CRAMP1: variants seen among roughly 807,000 people sequenced by gnomAD.
CRAMP1 encodes protein cramped-like.
Under a neutral mutation model 115.4 loss-of-function variants are expected in CRAMP1, and 50 were observed. The observed-to-expected ratio is 0.43, with a 90% CI of 0.35 to 0.55. The LOEUF is 0.55. Ranked by LOEUF, CRAMP1 falls within the 20% of genes least tolerant of loss-of-function variation. The pLI is 0.01. For synonymous variants in CRAMP1, 866 were observed against 745.4 expected (o/e 1.16, Z -2.64); for missense variants, 1,679 against 1,721.7 (o/e 0.98, Z 0.44).
intron 6 of CRAMP1, among the ~76,000 whole-genome samples, chr16:1,648,963 G>A (rs575424781): frequency 4.9e-4 from 75 of 152,216 alleles, no homozygotes; most frequent in Middle Eastern, 3.4e-3. Context: ...GGATGCTGAG[G>A]TAGGAGAATG....
intron 2 of CRAMP1, among the ~76,000 whole-genome samples, chr16:1,617,849 G>A (rs188675075): frequency 6.6e-6 from 1 of 152,316 alleles, no homozygotes; most frequent in East Asian, 1.9e-4. Context: ...TAAAGCGATG[G>A]TAGCTGGGAT....
chr16:1,649,308 G>T (rs1358275334), intron 6 of CRAMP1, among the ~76,000 whole-genome samples: 1 of 152,074 alleles, frequency 6.6e-6, no homozygotes, highest in Admixed American at 6.5e-5. Flanking sequence ...AGACGGACAC[G>T]TGAGTGGATG....
In CRAMP1 at chr16:1,667,416, G is replaced by T. The variant is rs756461953; in HGVS notation, c.3102+16G>T. The T allele has an allele frequency of 2.7e-5, 44 of 1,607,372 alleles. No homozygotes were observed. The Admixed American group carries it at 5.5e-4, about 20-fold the overall frequency. On this transcript the variant is annotated intron_variant, in intron 17 of 20. Coordinates refer to ENST00000397412, the MANE Select transcript of CRAMP1 (RefSeq NM_020825.4). ...CAGTTTCCAGGTAGAGTGTGCTCTT[G>T]GGCTGCTGAGCAAAGCAGCTGCCCC...
Position 1,662,564 on chromosome 16 carries a change from C to G in CRAMP1, c.2488C>G (p.Leu830Val), listed in dbSNP as rs1352985988. 6.2e-7 allele frequency: 1 copy of G among 1,613,868 alleles called. No homozygotes were observed. The highest frequency in any genetic ancestry group is 8.5e-7 in the Non-Finnish European group (1 of 1,179,874). ...STGSNDSDGGLFAVPTTLPPN... is the reference protein window; with the variant it reads ...STGSNDSDGGVFAVPTTLPPN... ...AGGAAGCAATGACTCAGATGGAGGCCTTTTTGCTGTCCCGACAACCTTGCC... is the reference window on the plus strand; with the variant it reads ...AGGAAGCAATGACTCAGATGGAGGCGTTTTTGCTGTCCCGACAACCTTGCC... Residue 830 changes from leucine (L) to valine (V), a missense_variant, in exon 12 of 21, where the codon CTT (leucine) becomes GTT (valine). Transcript: ENST00000397412.
At chr16:1,647,748 TAA>T (rs35279793) in intron 6 of CRAMP1, among the ~76,000 whole-genome samples, 7,837 of 87,280 alleles carry the variant, frequency 0.09, 289 homozygotes, top group African/African-American at 0.13. Context: ...GACTCTGCCT[TAA>T]AAAAAAAAAA....
Position 1,662,476 on chromosome 16 carries a change from C to T in CRAMP1, c.2414-14C>T, listed in dbSNP as rs769155481. The T allele has an allele frequency of 1.2e-6, 2 of 1,608,352 alleles. No individual in the cohort carries two copies. The highest frequency in any genetic ancestry group is 3.3e-5 in the Admixed American group (2 of 59,954). The stretch of plus-strand genomic sequence containing the variant: ...TGAATGCTGTCACACTGATTCTCTC[C>T]TCTCCTCTCCCAGGTTTGAGAAACC... On this transcript the variant is annotated splice_polypyrimidine_tract_variant and intron_variant, in intron 11 of 20. Transcript: ENST00000397412.
At chr16:1,621,580 C>G (rs2036466325) in intron 2 of CRAMP1, among the ~76,000 whole-genome samples, 1 of 152,170 alleles carries the variant, frequency 6.6e-6, no homozygotes, top group Admixed American at 6.5e-5. Context: ...GGTGTGCTGT[C>G]TGGGGCTGCC....
Position 1,655,215 on chromosome 16 carries a change from G to T in CRAMP1, c.1038-4G>T. 1.2e-6 allele frequency: 2 copies of T among 1,613,174 alleles called. No individual in the cohort carries two copies. Among genetic ancestry groups the T allele is most frequent in the African/African-American group, 2.7e-5 (2 of 75,032 alleles). ...TCACTTCCTCCTGTCTGTCGTCTCCGTAGGATGATCGTGGAGCTACATCGA... is the reference window on the plus strand; with the variant it reads ...TCACTTCCTCCTGTCTGTCGTCTCCTTAGGATGATCGTGGAGCTACATCGA... On this transcript the variant is annotated splice_region_variant and splice_polypyrimidine_tract_variant and intron_variant, in intron 8 of 20. Coordinates refer to ENST00000397412, the MANE Select transcript of CRAMP1 (RefSeq NM_020825.4).
intron 11 of CRAMP1, among the ~76,000 whole-genome samples, chr16:1,662,118 T>C (rs988580820): frequency 1.1e-4 from 16 of 152,282 alleles, no homozygotes; most frequent in African/African-American, 3.9e-4. Flanking sequence ...AGAGTGGACA[T>C]TGGTTTTCTG....
At chr16:1,625,339 A>C (rs1044284235) in intron 2 of CRAMP1, among the ~76,000 whole-genome samples, 8 of 152,106 alleles carry the variant, frequency 5.3e-5, no homozygotes, top group Non-Finnish European at 1.2e-4. Flanking sequence ...TTGGTCTCAG[A>C]GGACTTGGCA....
Position 1,659,984 on chromosome 16 carries a change from C to T in CRAMP1, c.2334C>T (p.Arg778=). 6.2e-7 allele frequency: 1 copy of T among 1,607,410 alleles called. No individual in the cohort carries two copies. Among genetic ancestry groups the T allele is most frequent in the Non-Finnish European group, 8.5e-7 (1 of 1,179,794 alleles). Residue 778 remains arginine, a synonymous_variant, in exon 11 of 21, where the codon CGC becomes CGT. Transcript: ENST00000397412. The stretch of plus-strand genomic sequence containing the variant: ...GGAAGGTGGTGACCGTCAGCTCTCG[C>T]AGCCCCCGCTGCCCTCGGAACCAGG... The part of the protein sequence containing the change: ...PPGKVVTVSS[R]SPRCPRNQAS...
intron 2 of CRAMP1, among the ~76,000 whole-genome samples, chr16:1,622,234 C>T (rs537439825): frequency 3.3e-5 from 5 of 152,278 alleles, no homozygotes; most frequent in East Asian, 3.9e-4. Flanking sequence ...AAGTTTAGGC[C>T]GGGCGCAGTG....
intron 8 of CRAMP1, among the ~76,000 whole-genome samples, chr16:1,654,969 G>A (rs1475319174): frequency 6.6e-6 from 1 of 152,266 alleles, no homozygotes; most frequent in African/African-American, 2.4e-5. Context: ...GAGACCTTTT[G>A]CTGGCAAAGA....
chr16:1,627,111 C>T (rs922145770), intron 3 of CRAMP1, among the ~76,000 whole-genome samples: 1 of 151,904 alleles, frequency 6.6e-6, no homozygotes, highest in African/African-American at 2.4e-5. Flanking sequence ...CTTTGGCATA[C>T]AGTATTAGAA....
In CRAMP1 at chr16:1,656,210, A is replaced by G; in HGVS notation, c.1453A>G (p.Ser485Gly). The change falls in exon 10 of 21, where the codon AGC (serine) becomes GGC (glycine). Residue 485 changes from serine to glycine, a missense_variant. By Grantham distance (56) the Ser-to-Gly change is moderately conservative. Around this residue, in one of 8 missense-constraint regions of CRAMP1, gnomAD observed 405 missense variants for 302.6 expected, o/e 1.34. Coordinates refer to ENST00000397412, the MANE Select transcript of CRAMP1 (RefSeq NM_020825.4). This position sits in a 1 kb window ranked among gnomAD's most constrained non-coding sequence, Gnocchi z 5.6. ...RPPPAADALQ[S>G]SGESSPESAP... ...CCCTCCTGCGGCTGACGCCTTGCAG[A>G]GCTCCGGAGAGAGTTCCCCCGAAAG... The G allele has an allele frequency of 6.2e-7, 1 of 1,603,486 alleles. No homozygotes were observed. The highest frequency in any genetic ancestry group is 8.5e-7 in the Non-Finnish European group (1 of 1,175,990).
Position 1,669,161 on chromosome 16 carries a change from G to C in CRAMP1, c.3495G>C (p.Leu1165=). ...CCACCGACTCCTCGCTCAGCAGCCT[G>C]TTTGGTGAGTGTATGGGGAGGGCTC... ...SDSTDSSLSS[L]FASFISPEKS... Residue 1165 remains leucine, a synonymous_variant, in exon 19 of 21, where the codon CTG becomes CTC. Coordinates refer to ENST00000397412, the MANE Select transcript of CRAMP1 (RefSeq NM_020825.4). This position sits in a 1 kb window ranked among gnomAD's most constrained non-coding sequence, Gnocchi z 4.6. The C allele has an allele frequency of 1.3e-6, 2 of 1,598,532 alleles. No homozygotes were observed. Among genetic ancestry groups the C allele is most frequent in the East Asian group, 2.3e-5 (1 of 44,378 alleles).
At chr16:1,651,653 C>T (rs1397130674) in intron 6 of CRAMP1, among the ~76,000 whole-genome samples, 6 of 137,086 alleles carry the variant, frequency 4.4e-5, no homozygotes, top group African/African-American at 1.6e-4. Context: ...ATTGAAGTCA[C>T]ACAGAGGTAA....
chr16:1,673,587 A>G (rs1596501054), intron 20 of CRAMP1, among the ~76,000 whole-genome samples: 1 of 152,270 alleles, frequency 6.6e-6, no homozygotes, highest in East Asian at 1.9e-4. Context: ...CAGTCTGTCT[A>G]CCTGTTGGGT....
chr16:1,632,350 A>G lies in CRAMP1; in HGVS notation c.679A>G (p.Ile227Val), dbSNP rs1199446334. ...YRTWHKITKY[I>V]DFDHVFSRGL... Reference sequence around the variant, plus strand: ...CACCTGGCACAAGATCACCAAGTACATCGACTTTGATCATGGTGAGTGTGC... The same window carrying G: ...CACCTGGCACAAGATCACCAAGTACGTCGACTTTGATCATGGTGAGTGTGC... Residue 227 changes from isoleucine to valine, a missense_variant, in exon 4 of 21, where the codon ATC becomes GTC. Physicochemically the swap from Ile to Val is conservative, Grantham distance 29. Transcript: ENST00000397412. 4 of 1,592,360 alleles carry G rather than the reference A, an allele frequency of 2.5e-6. No homozygotes were observed. Among genetic ancestry groups the G allele is most frequent in the East Asian group, 2.3e-5 (1 of 43,742 alleles).
Sources: allele counts gnomAD v4.1 joint callset (sites outside exome capture counted in the v4.1 genomes callset), GRCh38; gene constraint gnomAD v4.1.1; regional missense constraint gnomAD v4.1.1; non-coding constraint Gnocchi (gnomAD v3.1); transcripts MANE v1.5; gene names NCBI Gene and HGNC (gene_info 2026-07-23, HGNC 2026-07-21).